The following UMAD1 variants were observed in gnomAD, a reference collection of about 807,000 sequenced individuals.
The protein encoded by UMAD1 is UBAP1-MVB12-associated (UMA) domain containing 1, also known as UBAP1-MVB12-associated (UMA)-domain containing protein 1.
In UMAD1, 8 loss-of-function variants were observed where a neutral mutation model predicts 6.1. The ratio of observed to expected loss-of-function variants is 1.30; its 90% CI spans 0.76 to 2.35. UMAD1 has a LOEUF of 2.35. Ranked by LOEUF, UMAD1 falls within the 30% of genes most tolerant of loss-of-function variation. The probability of loss-of-function intolerance (pLI) is 0.00; values close to 1 mark genes in which losing one functional copy is unlikely to be tolerated. For missense variants in UMAD1, 130 were observed against 78.4 expected, an observed-to-expected ratio of 1.66 and a Z score of -2.49; for synonymous variants, 56 against 31.4, an observed-to-expected ratio of 1.78 and a Z score of -2.61.
intron 3 of UMAD1, among the ~76,000 whole-genome samples, chr7:7,809,710 C>T (rs1168266519): frequency 6.6e-6 from 1 of 152,018 alleles, no homozygotes; most frequent in African/African-American, 2.4e-5. Context: ...TACCCACTCC[C>T]TTCCCTCAGC....
chr7:7,783,576 C>G (rs1218683026), intron 2 of UMAD1, among the ~76,000 whole-genome samples: 1 of 152,156 alleles, frequency 6.6e-6, no homozygotes, highest in African/African-American at 2.4e-5. Context: ...AAAATAATCT[C>G]AAAGGCTGCT....
intron 2 of UMAD1, among the ~76,000 whole-genome samples, chr7:7,681,765 T>A (rs1431299009): frequency 6.6e-6 from 1 of 152,166 alleles, no homozygotes; most frequent in Admixed American, 6.5e-5. Context: ...TCTCCTGTTA[T>A]GACATGTTTA....
chr7:7,650,153 C>G (rs1785191821), intron 1 of UMAD1, among the ~76,000 whole-genome samples: 1 of 152,180 alleles, frequency 6.6e-6, no homozygotes, highest in South Asian at 2.1e-4. Context: ...AATTTTTATG[C>G]TGTTGTCTAG....
intron 1 of UMAD1, among the ~76,000 whole-genome samples, chr7:7,667,759 T>C (rs1779503903): frequency 6.6e-6 from 1 of 152,166 alleles, no homozygotes; most frequent in Admixed American, 6.5e-5. Flanking sequence ...AAATATTATA[T>C]TAAAGAAAGT....
intron 2 of UMAD1, among the ~76,000 whole-genome samples, chr7:7,701,278 T>A (rs1187190914): frequency 6.6e-6 from 1 of 152,122 alleles, no homozygotes; most frequent in East Asian, 1.9e-4. Context: ...AAAGATAAAT[T>A]TGTGGCTGAG....
At chr7:7,751,041 G>A (rs1442729388) in intron 2 of UMAD1, among the ~76,000 whole-genome samples, 5 of 152,156 alleles carry the variant, frequency 3.3e-5, no homozygotes, top group Admixed American at 6.5e-5. Flanking sequence ...AAAGCCAGTT[G>A]AGACTTCTAC....
chr7:7,794,874 G>A (rs1275807205), intron 2 of UMAD1, among the ~76,000 whole-genome samples: 3 of 152,094 alleles, frequency 2.0e-5, no homozygotes, highest in South Asian at 2.1e-4. Flanking sequence ...GAAGAGAGAC[G>A]CTTAGGATAT....
chr7:7,641,695 A>G (rs1467293800), intron 1 of UMAD1: 1 of 152,186 alleles, frequency 6.6e-6, no homozygotes, highest in Non-Finnish European at 1.5e-5. Flanking sequence ...ACATAAAAAT[A>G]CCTTCAAACG....
chr7:7,835,161 A>G lies in UMAD1; in HGVS notation c.156+33418A>G, dbSNP rs117276935. On this transcript the variant is annotated intron_variant, in intron 3 of 3. Coordinates refer to ENST00000682710, the MANE Select transcript of UMAD1 (RefSeq NM_001302348.2). The stretch of plus-strand genomic sequence containing the variant: ...TTATTCACTTAATCTGTCAAAGACT[A>G]TGAGAAGTATATTAGTCACTCATCA... 8.5e-5 allele frequency among the ~76,000 whole-genome samples: 13 copies of G among 152,282 alleles called. No individual in the cohort carries two copies. The East Asian group carries it at 2.5e-3, about 29-fold the overall frequency.
chr7:7,873,725 C>G (rs1410936649), intron 3 of UMAD1, among the ~76,000 whole-genome samples: 1 of 152,184 alleles, frequency 6.6e-6, no homozygotes, highest in Admixed American at 6.5e-5. Context: ...CGAGTTCCTT[C>G]TCTATAAATT....
chr7:7,670,344 AG>A (rs1352878474), intron 1 of UMAD1, among the ~76,000 whole-genome samples: 1 of 152,152 alleles, frequency 6.6e-6, no homozygotes, highest in African/African-American at 2.4e-5. Flanking sequence ...CACTTCGTAA[AG>A]GGTCTCTCTA....
chr7:7,826,983 T>G (rs2115301402), intron 3 of UMAD1, among the ~76,000 whole-genome samples: 1 of 152,262 alleles, frequency 6.6e-6, no homozygotes, highest in East Asian at 1.9e-4. Context: ...ATGCAGTTAC[T>G]TTAATGAATT....
chr7:7,844,761 C>T (rs1783752434), intron 3 of UMAD1, among the ~76,000 whole-genome samples: 1 of 152,140 alleles, frequency 6.6e-6, no homozygotes. Flanking sequence ...CCCTACCCTC[C>T]AGTGCCATGT....
At chr7:7,779,555 T>A (rs367881392) in intron 2 of UMAD1, among the ~76,000 whole-genome samples, 2 of 152,212 alleles carry the variant, frequency 1.3e-5, no homozygotes. Flanking sequence ...ATCCTTCCAC[T>A]TTAAAGTACT....
intron 2 of UMAD1, among the ~76,000 whole-genome samples, chr7:7,695,117 T>A (rs1318513275): frequency 6.6e-6 from 1 of 152,210 alleles, no homozygotes; most frequent in Non-Finnish European, 1.5e-5. Context: ...GTAATTATGA[T>A]TTGCTTTCTC....
chr7:7,683,866 G>T (rs920676561), intron 2 of UMAD1, among the ~76,000 whole-genome samples: 1 of 151,958 alleles, frequency 6.6e-6, no homozygotes, highest in Non-Finnish European at 1.5e-5. Flanking sequence ...CAGGTGATCC[G>T]CCTGCCTTGG....
rs578237953 is a variant in UMAD1, at chr7:7,848,479, G to A, written c.157-28802G>A. On this transcript the variant is annotated intron_variant, in intron 3 of 3. Transcript: ENST00000682710. Reference sequence around the variant, plus strand: ...TCACAGTTTGGTTAAAATTATACTCGATACCAAAGATAGTACTTCCACCAA... The same window carrying A: ...TCACAGTTTGGTTAAAATTATACTCAATACCAAAGATAGTACTTCCACCAA... Among the ~76,000 whole-genome samples, 39 of 152,160 alleles carry A rather than the reference G, an allele frequency of 2.6e-4. No homozygotes were observed. The South Asian group carries it at 7.3e-3, about 28-fold the overall frequency.
chr7:7,697,000 C>T (rs1234705879), intron 2 of UMAD1, among the ~76,000 whole-genome samples: 1 of 152,204 alleles, frequency 6.6e-6, no homozygotes, highest in Non-Finnish European at 1.5e-5. Context: ...AACACCCTCT[C>T]TTTGCTCCAA....
At chr7:7,738,572 A>G (rs1357659180) in intron 2 of UMAD1, 1 of 152,250 alleles carries the variant, frequency 6.6e-6, no homozygotes, top group Non-Finnish European at 1.5e-5. Context: ...GTAACCAAAT[A>G]CTGTTCAGGA....
Sources: allele counts gnomAD v4.1 joint callset (sites outside exome capture counted in the v4.1 genomes callset), GRCh38; gene constraint gnomAD v4.1.1; transcripts MANE v1.5; gene names NCBI Gene and HGNC (gene_info 2026-07-23, HGNC 2026-07-21).